Variants in MAP2K3 observed in about 807,000 individuals in gnomAD.
MAP2K3 encodes mitogen-activated protein kinase kinase 3.
MAP2K3 carries 30 observed loss-of-function variants against 46.4 expected under a neutral mutation model. The observed-to-expected ratio is 0.65, with a 90% confidence interval of 0.48 to 0.88. The LOEUF is 0.88. MAP2K3 is among the 40% of genes least tolerant of loss of function. The pLI, the probability that MAP2K3 is intolerant of heterozygous loss-of-function variation, is 0.00. For synonymous variants in MAP2K3, 189 were observed against 176.3 expected, an observed-to-expected ratio of 1.07 and a Z score of -0.57; for missense variants, 380 against 464.5, an observed-to-expected ratio of 0.82 and a Z score of 1.67.
intron 1 of MAP2K3, chr17:21,285,452 C>G: frequency 4.8e-6 from 1 of 209,116 alleles, no homozygotes; most frequent in Non-Finnish European, 8.3e-6. Flanking sequence ...CCAGAGTGCT[C>G]CTGTTGTTGC....
chr17:21,298,892 T>G lies in MAP2K3; in HGVS notation c.131T>G (p.Leu44Arg), dbSNP rs1976425103. Residue 44 changes from leucine (L) to arginine (R), a missense_variant, in exon 3 of 12, where the codon CTG becomes CGG. Around this residue, in one of 5 missense-constraint regions of MAP2K3, gnomAD observed 294 missense variants for 275.4 expected, o/e 1.07. Coordinates refer to ENST00000342679, the MANE Select transcript of MAP2K3 (RefSeq NM_145109.3). ...PAPNPTPPRN[L>R]DSRTFITIGD... ...TTTCTCCACAGACCCCCCCGGAACC[T>G]GGACTCCCGGACCTTCATCACCATT... The G allele has an allele frequency of 1.2e-6, 2 of 1,614,308 alleles. No homozygotes were observed. Among genetic ancestry groups the G allele is most frequent in the Non-Finnish European group, 8.5e-7 (1 of 1,180,058 alleles).
chr17:21,312,251 C>T lies in MAP2K3; in HGVS notation c.884C>T (p.Ser295Phe), dbSNP rs1466464125. 1 of 1,601,042 alleles carries T rather than the reference C, an allele frequency of 6.2e-7. No individual in the cohort carries two copies. Among genetic ancestry groups the T allele is most frequent in the Non-Finnish European group, 8.5e-7 (1 of 1,175,700 alleles). Residue 295 changes from serine (S) to phenylalanine (F), a missense_variant, in exon 10 of 12, where the codon TCC becomes TTC. Physicochemically the swap from Ser to Phe is radical, Grantham distance 155. Transcript: ENST00000342679. The stretch of plus-strand genomic sequence containing the variant: ...CCCCAGCTCCCAGCCGACCGTTTCT[C>T]CCCCGAGTTTGTGGACTTCACTGCT... Reference protein sequence around the residue: ...PSPQLPADRFSPEFVDFTAQC... With the variant: ...PSPQLPADRFFPEFVDFTAQC...
chr17:21,287,698 G>A (rs1490252594), intron 1 of MAP2K3, among the ~76,000 whole-genome samples: 2 of 152,372 alleles, frequency 1.3e-5, no homozygotes, highest in South Asian at 2.1e-4. Context: ...GGGCATGTGT[G>A]CAAGCCACAT....
chr17:21,293,083 C>T (rs1164972308), intron 1 of MAP2K3, among the ~76,000 whole-genome samples: 1 of 152,308 alleles, frequency 6.6e-6, no homozygotes, highest in Non-Finnish European at 1.5e-5. Context: ...AGTAGGTATT[C>T]ACTAAATGTT....
Position 21,314,537 on chromosome 17 carries a change from G to T in MAP2K3, c.*307G>T, listed in dbSNP as rs182597280. The T allele has an allele frequency of 1.2e-3, 470 of 382,438 alleles. 3 individuals are homozygous for T. Among genetic ancestry groups the T allele is most frequent in the African/African-American group, 8.8e-3 (426 of 48,626 alleles). 23.7% of individuals were successfully genotyped at this position (382,438 alleles called of 1,614,324 possible). ...CTGGATGCCCCCTGTGGATGCTGCTGCCCCTGCACAGCAGGCTGCCAGTGC... is the reference window on the plus strand; with the variant it reads ...CTGGATGCCCCCTGTGGATGCTGCTTCCCCTGCACAGCAGGCTGCCAGTGC... On this transcript the variant is annotated 3_prime_UTR_variant, in exon 12 of 12. Coordinates refer to ENST00000342679, the MANE Select transcript of MAP2K3 (RefSeq NM_145109.3).
intron 3 of MAP2K3, 76 bp from the exon 4 acceptor site, chr17:21,300,469 A>G (rs1976529145): frequency 6.9e-7 from 1 of 1,449,530 alleles, no homozygotes; most frequent in African/African-American, 1.4e-5. Context: ...CATGCTGCCC[A>G]GGTATCTCCA....
intron 6 of MAP2K3, 36 bp from the exon 7 acceptor site, chr17:21,303,147 G>T (rs915735344): frequency 2.5e-6 from 4 of 1,613,792 alleles, no homozygotes; most frequent in Middle Eastern, 1.6e-4. Context: ...GAATAACAGA[G>T]TCCTGTCTCT....
At chr17:21,313,180 G>A (rs1977244505) in intron 10 of MAP2K3, among the ~76,000 whole-genome samples, 1 of 152,164 alleles carries the variant, frequency 6.6e-6, no homozygotes, top group Admixed American at 6.5e-5. Context: ...CCTGATTGAG[G>A]ATACCAAGTG....
Position 21,300,161 on chromosome 17 carries a change from C to T in MAP2K3, c.166-384C>T, listed in dbSNP as rs1976510359. ...ACTTTTGTTTTGTTGTCACTGTGTC[C>T]CCAGTGCCTAAAACACATTGTGGAT... On this transcript the variant is annotated intron_variant, in intron 3 of 11. Coordinates refer to ENST00000342679, the MANE Select transcript of MAP2K3 (RefSeq NM_145109.3). Among the ~76,000 whole-genome samples the T allele has an allele frequency of 2.0e-5, 3 of 152,430 alleles. No individual in the cohort carries two copies. The South Asian group carries it at 6.2e-4, about 32-fold the overall frequency.
At chr17:21,293,576 A>T (rs4989779) in intron 1 of MAP2K3, among the ~76,000 whole-genome samples, 1 of 152,310 alleles carries the variant, frequency 6.6e-6, no homozygotes, top group East Asian at 1.9e-4. Context: ...TAGTCTGGGG[A>T]TCCCCCGTTC....
chr17:21,309,982 C>G (rs1597830932), intron 9 of MAP2K3, among the ~76,000 whole-genome samples: 1 of 151,278 alleles, frequency 6.6e-6, no homozygotes, highest in South Asian at 2.1e-4. Flanking sequence ...CTCTCTCTCT[C>G]TGTTTTTTTT....
chr17:21,287,378 C>T (rs577658067), intron 1 of MAP2K3, among the ~76,000 whole-genome samples: 1 of 152,388 alleles, frequency 6.6e-6, no homozygotes, highest in African/African-American at 2.4e-5. Context: ...GGTGGAGAGC[C>T]TCACTCTGTG....
chr17:21,313,054 G>A (rs960234288), intron 10 of MAP2K3, among the ~76,000 whole-genome samples: 23 of 152,162 alleles, frequency 1.5e-4, no homozygotes, highest in African/African-American at 4.3e-4. Flanking sequence ...CATGGTCCCC[G>A]CACTTTTATT....
chr17:21,290,458 G>A (rs1258014678), intron 1 of MAP2K3, among the ~76,000 whole-genome samples: 1 of 152,308 alleles, frequency 6.6e-6, no homozygotes. Context: ...GACACTCGTT[G>A]GGAAAGTCTG....
intron 5 of MAP2K3, among the ~76,000 whole-genome samples, chr17:21,301,503 G>A (rs746926155): frequency 5.2e-3 from 796 of 152,096 alleles, no homozygotes; most frequent in Middle Eastern, 0.014. Context: ...GGCGATGCTG[G>A]GCTCATACTG....
intron 1 of MAP2K3, among the ~76,000 whole-genome samples, chr17:21,294,605 G>T (rs928830188): frequency 6.6e-6 from 1 of 152,310 alleles, no homozygotes; most frequent in Non-Finnish European, 1.5e-5. Flanking sequence ...CCACCGTGTG[G>T]CCTCTCTAAG....
rs746225381 is a variant in MAP2K3, at chr17:21,300,645, T to C, written c.266T>C (p.Ile89Thr). The change falls in exon 4 of 12, where the codon ATC becomes ACC. Residue 89 changes from isoleucine (I) to threonine (T), a missense_variant. Ile to Thr is a moderately conservative substitution (Grantham distance 89). This residue lies in a region of MAP2K3 where 294 missense variants were observed against 275.4 expected (regional missense o/e 1.07). Transcript: ENST00000342679. ...EKVRHAQSGTIMAVKRIRATV... is the reference protein window; with the variant it reads ...EKVRHAQSGTTMAVKRIRATV... ...GTGCGGCACGCCCAGAGCGGCACCA[T>C]CATGGCCGTGAAGGTGAGCAGGGCC... The C allele has an allele frequency of 3.1e-6, 5 of 1,610,220 alleles. No homozygotes were observed. Among genetic ancestry groups the C allele is most frequent in the Non-Finnish European group, 4.2e-6 (5 of 1,178,316 alleles).
intron 5 of MAP2K3, 31 bp from the exon 6 acceptor site, chr17:21,302,112 A>G (rs1284878737): frequency 1.2e-6 from 2 of 1,611,940 alleles, no homozygotes; most frequent in African/African-American, 2.7e-5. Context: ...GCAGCCCGGC[A>G]GCCTGGCTGA....
At chr17:21,302,016 G>A in intron 5 of MAP2K3, 127 bp from the exon 6 acceptor site, 1 of 914,072 alleles carries the variant, frequency 1.1e-6, no homozygotes, top group South Asian at 1.4e-5. Context: ...CCGGTGAACT[G>A]TGGCTGAGTG....
Sources: allele counts gnomAD v4.1 joint callset (sites outside exome capture counted in the v4.1 genomes callset), GRCh38; gene constraint gnomAD v4.1.1; regional missense constraint gnomAD v4.1.1; transcripts MANE v1.5; gene names NCBI Gene and HGNC (gene_info 2026-07-23, HGNC 2026-07-21).